DAB1: variants seen among roughly 807,000 people sequenced by gnomAD.
DAB1 encodes disabled homolog 1.
DAB1 carries 15 observed loss-of-function variants against 64.6 expected under a neutral mutation model. That is an observed-to-expected ratio of 0.23 (90% CI 0.16 to 0.36). The LOEUF (loss-of-function observed/expected upper bound fraction) is 0.36. Ranked by LOEUF, DAB1 falls within the 10% of genes least tolerant of loss-of-function variation. The probability of loss-of-function intolerance (pLI) is 1.00; values close to 1 mark genes in which losing one functional copy is unlikely to be tolerated. For synonymous variants in DAB1, 235 were observed against 251.9 expected (o/e 0.93, Z 0.64); for missense variants, 596 against 706.7 (o/e 0.84, Z 1.78).
chr1:58,113,936 C>T (rs1407176170), intron 5 of DAB1, among the ~76,000 whole-genome samples: 9 of 151,930 alleles, frequency 5.9e-5, no homozygotes, highest in Admixed American at 5.9e-4. Flanking sequence ...GTGAGAGACA[C>T]AAGATTGCTC....
chr1:58,445,510 G>A (rs79192627), intron 3 of DAB1, among the ~76,000 whole-genome samples: 1,799 of 152,300 alleles, frequency 0.012, 38 homozygotes, highest in African/African-American at 0.041. Flanking sequence ...TGGCCTGGAG[G>A]AAGTGCTGTC....
chr1:58,516,565 A>C (rs1646160828), intron 2 of DAB1, among the ~76,000 whole-genome samples: 2 of 152,308 alleles, frequency 1.3e-5, no homozygotes, highest in South Asian at 4.1e-4. Context: ...AAATTAAAAG[A>C]ACTCCTATAA....
At chr1:58,321,883 C>T (rs982447820) in intron 4 of DAB1, among the ~76,000 whole-genome samples, 4 of 152,246 alleles carry the variant, frequency 2.6e-5, no homozygotes, top group African/African-American at 9.6e-5. Flanking sequence ...TTAAACGTCC[C>T]TGTCTGACAG....
chr1:58,487,994 G>C (rs928062786), intron 3 of DAB1, among the ~76,000 whole-genome samples: 1 of 151,984 alleles, frequency 6.6e-6, no homozygotes, highest in African/African-American at 2.4e-5. Context: ...ATCAACTACT[G>C]TCATTTTGCT....
intron 2 of DAB1, among the ~76,000 whole-genome samples, chr1:57,256,856 C>T (rs1040948807): frequency 5.3e-5 from 8 of 152,230 alleles, no homozygotes; most frequent in African/African-American, 1.7e-4. Flanking sequence ...TAGCTGGCCT[C>T]TGTTTGCCAA....
At position 57,554,060 on chromosome 1, in the gene DAB1, C is replaced by T. The variant is rs1219025979; in HGVS notation, n.625+95532G>A. 4.6e-5 allele frequency among the ~76,000 whole-genome samples: 7 copies of T among 151,894 alleles called. No individual in the cohort carries two copies. In the East Asian group the frequency reaches 9.7e-4, roughly 21 times the overall value. On this transcript the variant is annotated intron_variant and non_coding_transcript_variant, in intron 7 of 20. Transcript: ENST00000485760. ...GGCTTATCAACCAAGAGGAAATAAC[C>T]GGTAGAGAAGGAAGGAATTAAAGAA...
chr1:57,437,707 A>G lies in DAB1; in HGVS notation n.626-146541T>C, dbSNP rs77157034. ...CCCCCAGCCCCCACAAGTGCACTGT[A>G]AAAATAATCATGATAAAATTAATAT... On this transcript the variant is annotated intron_variant and non_coding_transcript_variant, in intron 7 of 20. Coordinates refer to the DAB1 transcript ENST00000485760. 3.8e-3 allele frequency among the ~76,000 whole-genome samples: 574 copies of G among 152,328 alleles called. 4 individuals are homozygous for G. The highest frequency in any genetic ancestry group is 0.013 in the African/African-American group (559 of 41,570).
rs11800491 is a variant in DAB1, at chr1:57,828,990, T to C, written n.88-2535A>G. On this transcript the variant is annotated intron_variant and non_coding_transcript_variant, in intron 1 of 1. Coordinates refer to the DAB1 transcript ENST00000477280. The stretch of plus-strand genomic sequence containing the variant: ...TGGCTTCTCAATTCAATAATTTTAT[T>C]TCAGTTAATCTATCACCTTGAAAGC... Among the ~76,000 whole-genome samples the C allele has an allele frequency of 6.0e-4, 92 of 152,340 alleles. 1 individual carries two copies. The highest frequency in any genetic ancestry group is 2.1e-3 in the African/African-American group (87 of 41,576).
chr1:57,076,378 G>A (rs561737354), intron 4 of DAB1, among the ~76,000 whole-genome samples: 5 of 152,290 alleles, frequency 3.3e-5, no homozygotes, highest in South Asian at 4.2e-4. Flanking sequence ...CAAAATCAAA[G>A]CAGGTATTTG....
chr1:57,125,352 T>C (rs1456273212), intron 4 of DAB1, among the ~76,000 whole-genome samples: 2 of 152,218 alleles, frequency 1.3e-5, no homozygotes, highest in African/African-American at 4.8e-5. Context: ...GTTTCTGTCC[T>C]TCAGGAACTT....
chr1:57,214,742 T>C (rs1434196037), intron 2 of DAB1, among the ~76,000 whole-genome samples: 4 of 150,966 alleles, frequency 2.6e-5, no homozygotes, highest in South Asian at 4.2e-4. Context: ...AACCCTGTCT[T>C]TACTAAAAAT....
chr1:57,615,059 A>T (rs1334995502), intron 7 of DAB1, among the ~76,000 whole-genome samples: 14 of 151,600 alleles, frequency 9.2e-5, no homozygotes, highest in Non-Finnish European at 1.5e-5. Context: ...TTTAGTAGAG[A>T]CAGGGTTTCA....
chr1:57,740,376 T>C (rs1042487294), intron 6 of DAB1, among the ~76,000 whole-genome samples: 25 of 152,302 alleles, frequency 1.6e-4, no homozygotes, highest in African/African-American at 4.8e-4. Flanking sequence ...TCTTACTTAC[T>C]ATCCATGTGT....
intron 2 of DAB1, among the ~76,000 whole-genome samples, chr1:57,285,686 G>A (rs890714351): frequency 6.6e-6 from 1 of 152,132 alleles, no homozygotes; most frequent in African/African-American, 2.4e-5. Context: ...CCTGTCTCTG[G>A]TTACACAGCA....
intron 3 of DAB1, among the ~76,000 whole-genome samples, chr1:58,419,324 C>T (rs1441645177): frequency 6.6e-6 from 1 of 152,140 alleles, no homozygotes; most frequent in Non-Finnish European, 1.5e-5. Flanking sequence ...TACAATAGGA[C>T]TAATGGTGTT....
At chr1:58,223,512 AT>A (rs1659289769) in intron 4 of DAB1, among the ~76,000 whole-genome samples, 1 of 152,200 alleles carries the variant, frequency 6.6e-6, no homozygotes, top group Non-Finnish European at 1.5e-5. Context: ...GAAAACTGCT[AT>A]TCAATTGCAC....
intron 1 of DAB1, among the ~76,000 whole-genome samples, chr1:58,543,537 A>C (rs1323223811): frequency 6.6e-6 from 1 of 152,038 alleles, no homozygotes; most frequent in Non-Finnish European, 1.5e-5. Flanking sequence ...GCCTTATTTC[A>C]CCACTAACCC....
intron 6 of DAB1, among the ~76,000 whole-genome samples, chr1:57,818,360 A>T (rs1651964794): frequency 6.6e-6 from 1 of 152,204 alleles, no homozygotes; most frequent in South Asian, 2.1e-4. Flanking sequence ...GTCCCTAAAC[A>T]TTTCTCTACC....
intron 5 of DAB1, among the ~76,000 whole-genome samples, chr1:57,910,856 G>C (rs1349284601): frequency 6.6e-6 from 1 of 152,196 alleles, no homozygotes; most frequent in African/African-American, 2.4e-5. Flanking sequence ...TCATTACTTA[G>C]GAGGTGTGTG....
Sources: allele counts gnomAD v4.1 joint callset (sites outside exome capture counted in the v4.1 genomes callset), GRCh38; gene constraint gnomAD v4.1.1; transcripts MANE v1.5; gene names NCBI Gene and HGNC (gene_info 2026-07-23, HGNC 2026-07-21).